SLIT1: variants seen among roughly 807,000 people sequenced by gnomAD.
The protein encoded by SLIT1 is slit homolog 1 protein.
SLIT1 carries 66 observed loss-of-function variants against 186.1 expected under a neutral mutation model. The observed-to-expected ratio is 0.35, with a 90% confidence interval of 0.29 to 0.44. SLIT1 has a LOEUF of 0.44. Among genes scored for constraint, SLIT1 ranks in the 20% least tolerant of loss-of-function variants. SLIT1 has a pLI of 1.00. For synonymous variants in SLIT1, 761 were observed against 833.8 expected, an observed-to-expected ratio of 0.91 and a Z score of 1.50; for missense variants, 1,638 against 2,037.4, an observed-to-expected ratio of 0.80 and a Z score of 3.77.
At chr10:97,028,373 G>A (rs905983576) in intron 25 of SLIT1, among the ~76,000 whole-genome samples, 2 of 151,780 alleles carry the variant, frequency 1.3e-5, no homozygotes, top group African/African-American at 4.8e-5. Flanking sequence ...ACAATGAAGT[G>A]CAAACTCCCT....
chr10:97,000,543 C>T lies in SLIT1; in HGVS notation c.*569G>A, dbSNP rs1157167990. ...CAGCCCAGGGGGCAAGGGTCCGACC[C>T]TCCCTGGCCAGCAGGAGGCGGCACC... On this transcript the variant is annotated 3_prime_UTR_variant, in exon 37 of 37. Transcript: ENST00000266058. 1 of 152,846 alleles carries T rather than the reference C, an allele frequency of 6.5e-6. No homozygotes were observed. The highest frequency in any genetic ancestry group is 1.5e-5 in the Non-Finnish European group (1 of 68,514). The allele number at this position is 152,846 out of a possible 1,614,324, so 9.5% of individuals were successfully genotyped here. A position where few individuals can be genotyped will look rare whatever the true frequency, so the allele number is the denominator to read the frequency against.
In SLIT1 at chr10:97,000,930, C is replaced by T. The variant is rs878981765; in HGVS notation, c.*182G>A. The T allele has an allele frequency of 5.0e-6, 3 of 601,544 alleles. No homozygotes were observed. The highest frequency in any genetic ancestry group is 8.8e-6 in the Non-Finnish European group (3 of 339,494). 37.3% of individuals were successfully genotyped at this position (601,544 alleles called of 1,614,324 possible). A position where few individuals can be genotyped will look rare whatever the true frequency, so the allele number is the denominator to read the frequency against. On this transcript the variant is annotated 3_prime_UTR_variant, in exon 37 of 37. Transcript: ENST00000266058. ...TCAGGCCTCGCCCACCCCCGCTGCC[C>T]CCAGCTATGGCGCAATTTGCTTTTA...
intron 23 of SLIT1, among the ~76,000 whole-genome samples, chr10:97,033,901 A>G (rs1047733759): frequency 4.5e-5 from 6 of 134,316 alleles, no homozygotes; most frequent in Admixed American, 8.4e-5. Flanking sequence ...GTCTCGCTCT[A>G]TCACCCAGGC....
intron 20 of SLIT1, 139 bp downstream of exon 20, chr10:97,042,762 C>A: frequency 4.7e-6 from 4 of 856,650 alleles, no homozygotes; most frequent in African/African-American, 1.7e-5. Context: ...AAAACAGGGC[C>A]TCCCCTCCCC....
intron 4 of SLIT1, among the ~76,000 whole-genome samples, chr10:97,140,241 T>C (rs1164160283): frequency 6.6e-6 from 1 of 152,134 alleles, no homozygotes; most frequent in Admixed American, 6.5e-5. Context: ...GTTACCTCCC[T>C]ACCCATTACT....
chr10:97,040,196 C>T (rs907970163), intron 20 of SLIT1, 76 bp from the exon 21 acceptor site: 1 of 1,402,750 alleles, frequency 7.1e-7, no homozygotes. Flanking sequence ...CAGGGCCATG[C>T]TCTGGGGCCT....
rs1848966383 is a variant in SLIT1 at position 97,068,039 on chromosome 10, T to C, written c.414-1953A>G. Among the ~76,000 whole-genome samples the C allele has an allele frequency of 6.6e-6, 1 of 152,214 alleles. No homozygotes were observed. The highest frequency in any genetic ancestry group is 6.5e-5 in the Admixed American group (1 of 15,286). On this transcript the variant is annotated intron_variant, in intron 4 of 36. Coordinates refer to ENST00000266058, the MANE Select transcript of SLIT1 (RefSeq NM_003061.3). The surrounding 1 kb of genome is among the most constrained non-coding windows in gnomAD (Gnocchi z 4.2). Reference sequence around the variant, plus strand: ...AGGAGGCAGGTGGGCTCCTACTGCCTACTAGAACTGTGAGAAGGCACTGGA... The same window carrying C: ...AGGAGGCAGGTGGGCTCCTACTGCCCACTAGAACTGTGAGAAGGCACTGGA...
chr10:97,169,041 G>C (rs1277883441), intron 1 of SLIT1, among the ~76,000 whole-genome samples: 1 of 152,106 alleles, frequency 6.6e-6, no homozygotes, highest in African/African-American at 2.4e-5. Flanking sequence ...AGGTGCGGAG[G>C]TGCATTCCTT....
chr10:97,130,761 A>T (rs547351656), intron 4 of SLIT1, among the ~76,000 whole-genome samples: 1 of 152,184 alleles, frequency 6.6e-6, no homozygotes, highest in Non-Finnish European at 1.5e-5. Flanking sequence ...GGATTAAATG[A>T]GCTAATATGT....
intron 13 of SLIT1, among the ~76,000 whole-genome samples, chr10:97,051,811 CAAAA>C (rs201020231): frequency 8.1e-6 from 1 of 124,208 alleles, no homozygotes. Flanking sequence ...AACTCCATCT[CAAAA>C]AAAAAAAAAA....
intron 4 of SLIT1, among the ~76,000 whole-genome samples, chr10:97,130,094 G>A (rs531692354): frequency 6.6e-6 from 1 of 152,248 alleles, no homozygotes; most frequent in African/African-American, 2.4e-5. Flanking sequence ...GGAAAGGGGA[G>A]GTTTGGGACA....
intron 25 of SLIT1, among the ~76,000 whole-genome samples, chr10:97,027,342 G>T (rs915820321): frequency 1.3e-5 from 2 of 152,206 alleles, no homozygotes; most frequent in Admixed American, 1.3e-4. Context: ...CTGTATGTGT[G>T]TACATGACAT....
Position 97,133,937 on chromosome 10 carries a change from T to A in SLIT1, c.413+23881A>T, listed in dbSNP as rs977239753. The stretch of plus-strand genomic sequence containing the variant: ...TTGCCATCATTTCTGGACAGCCGTA[T>A]ACCCTTGCTATTGGATTTGGATTGT... On this transcript the variant is annotated intron_variant, in intron 4 of 36. Transcript: ENST00000266058. Among the ~76,000 whole-genome samples, 6 of 152,184 alleles carry A rather than the reference T, an allele frequency of 3.9e-5. No individual in the cohort carries two copies. In the South Asian group the frequency reaches 1.2e-3, roughly 31 times the overall value.
chr10:97,152,306 G>T (rs1457900298), intron 4 of SLIT1, among the ~76,000 whole-genome samples: 1 of 152,210 alleles, frequency 6.6e-6, no homozygotes, highest in Non-Finnish European at 1.5e-5. Flanking sequence ...AAATTGAGGG[G>T]ATGGTTGTGA....
At chr10:97,095,165 C>T (rs1350416857) in intron 4 of SLIT1, among the ~76,000 whole-genome samples, 2 of 152,196 alleles carry the variant, frequency 1.3e-5, no homozygotes, top group Non-Finnish European at 2.9e-5. Flanking sequence ...CACCTGTAGT[C>T]CCAGCTACTA....
At chr10:97,026,710 G>T (rs1848549427) in intron 25 of SLIT1, among the ~76,000 whole-genome samples, 1 of 152,172 alleles carries the variant, frequency 6.6e-6, no homozygotes, top group African/African-American at 2.4e-5. Flanking sequence ...GGGACCTGGT[G>T]CATAGTAGAT....
chr10:97,040,916 T>C (rs1848685056), intron 20 of SLIT1, among the ~76,000 whole-genome samples: 1 of 152,216 alleles, frequency 6.6e-6, no homozygotes, highest in African/African-American at 2.4e-5. Context: ...CCATCAGTTA[T>C]GCAGGTCGCC....
At chr10:97,018,805 T>C (rs1007099053) in intron 27 of SLIT1, 122 bp from the exon 28 acceptor site, 2 of 679,660 alleles carry the variant, frequency 2.9e-6, no homozygotes, top group Non-Finnish European at 5.1e-6. Context: ...TTTTCATTCA[T>C]TCATTCGTCC....
intron 4 of SLIT1, among the ~76,000 whole-genome samples, chr10:97,141,218 A>G (rs765308351): frequency 2.6e-4 from 40 of 152,300 alleles, no homozygotes; most frequent in Middle Eastern, 3.4e-3. Flanking sequence ...CCCACCCTTC[A>G]GCAGCCAGCT....
Sources: gnomAD v4.1 joint callset for allele counts (sites outside exome capture counted in the v4.1 genomes callset) on GRCh38, gnomAD v4.1.1 for gene constraint, Gnocchi (gnomAD v3.1) non-coding constraint, MANE v1.5 for transcripts, NCBI Gene and HGNC (gene_info 2026-07-23, HGNC 2026-07-21) for gene names.